Variants in GAR1 observed in about 807,000 individuals in gnomAD.
The protein encoded by GAR1 is GAR1 ribonucleoprotein, also known as H/ACA ribonucleoprotein complex subunit 1.
In GAR1, 11 loss-of-function variants were observed where a neutral mutation model predicts 29.3. That is an observed-to-expected ratio of 0.38 (90% CI 0.24 to 0.62). The LOEUF is 0.62. GAR1 is among the 20% of genes least tolerant of loss of function. The pLI, the probability that GAR1 is intolerant of heterozygous loss-of-function variation, is 0.62. For missense variants in GAR1, 237 were observed against 268.4 expected, an observed-to-expected ratio of 0.88 and a Z score of 0.82; for synonymous variants, 87 against 93.3, an observed-to-expected ratio of 0.93 and a Z score of 0.39.
chr4:109,816,989 A>G (rs918607933), intron 2 of GAR1, among the ~76,000 whole-genome samples: 1 of 152,246 alleles, frequency 6.6e-6, no homozygotes, highest in African/African-American at 2.4e-5. Context: ...TTTTAGAGTA[A>G]TTAACAATGA....
intron 4 of GAR1, 101 bp downstream of exon 4, chr4:109,819,161 A>C (rs1474145334): frequency 5.2e-6 from 4 of 767,318 alleles, no homozygotes; most frequent in Non-Finnish European, 9.7e-6. Context: ...CCAACATATC[A>C]CTAGTAAAGC....
chr4:109,823,600 C>T (rs1422451425), intron 5 of GAR1, among the ~76,000 whole-genome samples: 6 of 152,104 alleles, frequency 3.9e-5, no homozygotes, highest in African/African-American at 1.4e-4. Flanking sequence ...AGCCACAGTT[C>T]CATCAAACTA....
intron 2 of GAR1, among the ~76,000 whole-genome samples, chr4:109,816,860 A>G (rs1200399064): frequency 6.6e-6 from 1 of 152,262 alleles, no homozygotes; most frequent in Admixed American, 6.5e-5. Context: ...AAAGCCAAGT[A>G]TTCTGACTCC....
At chr4:109,822,565 T>C (rs1579354660) in intron 5 of GAR1, 77 bp downstream of exon 5, 1 of 1,453,442 alleles carries the variant, frequency 6.9e-7, no homozygotes, top group South Asian at 1.5e-5. Flanking sequence ...AATTTAGCTT[T>C]GTACATAGCA....
At chr4:109,818,849 G>A (rs1360638777) in intron 3 of GAR1, 152 bp from the exon 4 acceptor site, 2 of 534,304 alleles carry the variant, frequency 3.7e-6, no homozygotes, top group Non-Finnish European at 6.8e-6. Context: ...GCAGGTGTGA[G>A]CCACCACGCC....
intron 4 of GAR1, chr4:109,819,359 A>G (rs914116963): frequency 8.2e-6 from 3 of 365,764 alleles, no homozygotes; most frequent in African/African-American, 6.4e-5. Context: ...ATGACCAAAC[A>G]TTCTAGGTAG....
In GAR1 at chr4:109,824,469, A is replaced by G. The variant is rs2125890639; in HGVS notation, c.*38A>G. ...ACAGACATCACCAGTTGACTTCTGCATTAACCTGCATGATCTGTTTCTACT... is the reference window on the plus strand; with the variant it reads ...ACAGACATCACCAGTTGACTTCTGCGTTAACCTGCATGATCTGTTTCTACT... On this transcript the variant is annotated 3_prime_UTR_variant, in exon 7 of 7. Coordinates refer to ENST00000226796, the MANE Select transcript of GAR1 (RefSeq NM_018983.4). 1 of 1,454,808 alleles carries G rather than the reference A, an allele frequency of 6.9e-7. No individual in the cohort carries two copies. Among genetic ancestry groups the G allele is most frequent in the South Asian group, 1.1e-5 (1 of 87,598 alleles). The allele number at this position is 1,454,808 out of a possible 1,614,324, so 90.1% of individuals were successfully genotyped here.
At chr4:109,820,513 T>C (rs963338295) in intron 4 of GAR1, among the ~76,000 whole-genome samples, 1 of 151,862 alleles carries the variant, frequency 6.6e-6, no homozygotes, top group African/African-American at 2.4e-5. Flanking sequence ...TATGAAGAGT[T>C]TTGGGGCACC....
chr4:109,817,894 T>A, intron 2 of GAR1, 42 bp from the exon 3 acceptor site: 1 of 1,543,418 alleles, frequency 6.5e-7, no homozygotes, highest in Non-Finnish European at 8.8e-7. Context: ...CAGTATCGTT[T>A]GAAATAGTTC....
chr4:109,823,204 T>C (rs546691811), intron 5 of GAR1, among the ~76,000 whole-genome samples: 96 of 152,134 alleles, frequency 6.3e-4, no homozygotes, highest in African/African-American at 2.2e-3. Context: ...GGGCGAGTGA[T>C]GGGGTGATGG....
In GAR1 at chr4:109,821,075, A is replaced by C. The variant is rs558176696; in HGVS notation, c.430-1272A>C. Among the ~76,000 whole-genome samples, 10 of 152,256 alleles carry C rather than the reference A, an allele frequency of 6.6e-5. No individual in the cohort carries two copies. The South Asian group carries it at 2.1e-3, about 32-fold the overall frequency. ...GTACATTCTACCTCTCCCGGTTTCC[A>C]TACCCCCTGCTATGTTGAGATTCAG... On this transcript the variant is annotated intron_variant, in intron 4 of 6. Coordinates refer to ENST00000226796, the MANE Select transcript of GAR1 (RefSeq NM_018983.4).
chr4:109,817,552 A>G (rs922672931), intron 2 of GAR1, among the ~76,000 whole-genome samples: 1 of 152,216 alleles, frequency 6.6e-6, no homozygotes, highest in Non-Finnish European at 1.5e-5. Context: ...GTTTTGAATC[A>G]GATAATAAGT....
intron 3 of GAR1, 92 bp downstream of exon 3, chr4:109,818,182 C>G: frequency 2.3e-6 from 2 of 881,070 alleles, no homozygotes; most frequent in South Asian, 1.7e-5. Flanking sequence ...AAAGTTGTTG[C>G]TTCATTAAAT....
rs1333212278 is a variant in GAR1 at position 109,816,351 on chromosome 4, G to C, written c.187G>C (p.Asp63His). 6.2e-7 allele frequency: 1 copy of C among 1,614,004 alleles called. No homozygotes were observed. Among genetic ancestry groups the C allele is most frequent in the Non-Finnish European group, 8.5e-7 (1 of 1,180,022 alleles). Residue 63 changes from aspartate to histidine, a missense_variant, in exon 2 of 7, where the codon GAC becomes CAC. By Grantham distance (81) the Asp-to-His change is moderately conservative. Transcript: ENST00000226796. Reference sequence around the variant, plus strand: ...CCGCGGAGGCTTTAACAAAGGCCAAGACCAAGGACCTCCAGAACGTGTAGT... The same window carrying C: ...CCGCGGAGGCTTTAACAAAGGCCAACACCAAGGACCTCCAGAACGTGTAGT... ...GGRGGFNKGQ[D>H]QGPPERVVLL...
At chr4:109,821,834 G>A (rs7663043) in intron 4 of GAR1, among the ~76,000 whole-genome samples, 6,906 of 152,074 alleles carry the variant, frequency 0.045, 506 homozygotes, top group African/African-American at 0.15. Flanking sequence ...AAACATGTGA[G>A]ATAGATACTC....
At position 109,824,610 on chromosome 4, in the gene GAR1, A is replaced by C; in HGVS notation, c.*179A>C. 1 of 582,086 alleles carries C rather than the reference A, an allele frequency of 1.7e-6. No individual in the cohort carries two copies. 36.1% of individuals were successfully genotyped at this position (582,086 alleles called of 1,614,324 possible). ...AACGGAATAGTGAATTTTGCTCTAA[A>C]AGAGCATGAACAAGTCTTTCTAATG... On this transcript the variant is annotated 3_prime_UTR_variant, in exon 7 of 7. Transcript: ENST00000226796.
Position 109,818,024 on chromosome 4 carries a change from T to C in GAR1, c.303T>C (p.Pro101=). The C allele has an allele frequency of 6.2e-7, 1 of 1,606,248 alleles. No individual in the cohort carries two copies. The highest frequency in any genetic ancestry group is 2.2e-5 in the East Asian group (1 of 44,816). ...DENKVPYFNA[P]VYLENKEQIG... ...ATAAGGTGCCTTATTTCAATGCTCCTGTTTACTTAGAAAACAAAGAACAAA... is the reference window on the plus strand; with the variant it reads ...ATAAGGTGCCTTATTTCAATGCTCCCGTTTACTTAGAAAACAAAGAACAAA... Residue 101 remains proline, a synonymous_variant, in exon 3 of 7, where the codon CCT becomes CCC. Coordinates refer to ENST00000226796, the MANE Select transcript of GAR1 (RefSeq NM_018983.4).
chr4:109,816,816 G>A (rs553859949), intron 2 of GAR1, among the ~76,000 whole-genome samples: 12 of 152,280 alleles, frequency 7.9e-5, no homozygotes, highest in African/African-American at 2.9e-4. Context: ...TAATAAAGCA[G>A]GAGACCCTGT....
At chr4:109,816,076 C>T in intron 1 of GAR1, 77 bp from the exon 2 acceptor site, 1 of 1,385,366 alleles carries the variant, frequency 7.2e-7, no homozygotes, top group South Asian at 1.2e-5. Flanking sequence ...ATGGTGTTCT[C>T]ACCGCAGCTC....
Sources: allele counts gnomAD v4.1 joint callset (sites outside exome capture counted in the v4.1 genomes callset), GRCh38; gene constraint gnomAD v4.1.1; transcripts MANE v1.5; gene names NCBI Gene and HGNC (gene_info 2026-07-23, HGNC 2026-07-21).